Variants in SMAP2 observed in about 807,000 individuals in gnomAD.
SMAP2 encodes the protein small ArfGAP2.
In SMAP2, 25 loss-of-function variants were observed where a neutral mutation model predicts 56.4. The ratio of observed to expected loss-of-function variants is 0.44; its 90% confidence interval spans 0.32 to 0.62. The LOEUF is 0.62. SMAP2 is among the 20% of genes least tolerant of loss of function. SMAP2 has a pLI of 0.04. For synonymous variants in SMAP2, 157 were observed against 181.7 expected (o/e 0.86, Z 1.09); for missense variants, 388 against 545.6 (o/e 0.71, Z 2.88).
chr1:40,374,243 G>A lies in SMAP2; in HGVS notation c.103+20G>A, dbSNP rs775309591. ...CTAAAGGTAGCGCATCCCACCTGGCGGGCCAGGGGTCCAGCCGCGCCGGGG... is the reference window on the plus strand; with the variant it reads ...CTAAAGGTAGCGCATCCCACCTGGCAGGCCAGGGGTCCAGCCGCGCCGGGG... On this transcript the variant is annotated intron_variant, in intron 1 of 9. Transcript: ENST00000372718. The surrounding 1 kb of genome is among the most constrained non-coding windows in gnomAD (Gnocchi z 5.9). 1.3e-6 allele frequency: 2 copies of A among 1,591,380 alleles called. No homozygotes were observed. Among genetic ancestry groups the A allele is most frequent in the Admixed American group, 1.7e-5 (1 of 57,152 alleles).
At chr1:40,401,187 C>T (rs1356773349) in intron 1 of SMAP2, among the ~76,000 whole-genome samples, 6 of 152,114 alleles carry the variant, frequency 3.9e-5, no homozygotes, top group African/African-American at 7.2e-5. Context: ...GGCGTGAACT[C>T]GGGAGGCGGA....
Position 40,374,049 on chromosome 1 carries a change from C to T in SMAP2, c.-72C>T, listed in dbSNP as rs2272993. ...TGGGCGGGGGACCGGGAGTCCTCAACCCCGGACTGAGGCAGGGGTCTCTGG... is the reference window on the plus strand; with the variant it reads ...TGGGCGGGGGACCGGGAGTCCTCAATCCCGGACTGAGGCAGGGGTCTCTGG... On this transcript the variant is annotated 5_prime_UTR_variant, in exon 1 of 10. Coordinates refer to ENST00000372718, the MANE Select transcript of SMAP2 (RefSeq NM_022733.3). The surrounding 1 kb of genome is among the most constrained non-coding windows in gnomAD (Gnocchi z 5.9). 1 of 1,250,252 alleles carries T rather than the reference C, an allele frequency of 8.0e-7. No individual in the cohort carries two copies. The highest frequency in any genetic ancestry group is 1.1e-6 in the Non-Finnish European group (1 of 869,898). The allele number at this position is 1,250,252 out of a possible 1,614,324, so 77.4% of individuals were successfully genotyped here.
chr1:40,410,750 C>CA (rs1476668351), intron 4 of SMAP2, among the ~76,000 whole-genome samples: 1 of 152,110 alleles, frequency 6.6e-6, no homozygotes, highest in East Asian at 1.9e-4. Context: ...CACAGGGGGA[C>CA]AGACAGCATG....
rs1389848293 is a variant in SMAP2, at chr1:40,386,288, C to G, written c.103+12065C>G. ...GAAATCATTTTTACTGAAAGATTAG[C>G]TGTTTGGAACAGGGATTGACTTTGT... is the stretch of plus-strand genomic sequence containing the variant. On this transcript the variant is annotated intron_variant, in intron 1 of 9. Transcript: ENST00000372718. This position sits in a 1 kb window ranked among gnomAD's most constrained non-coding sequence, Gnocchi z 4.1. Among the ~76,000 whole-genome samples the G allele has an allele frequency of 1.3e-5, 2 of 152,182 alleles. No homozygotes were observed. Among genetic ancestry groups the G allele is most frequent in the African/African-American group, 4.8e-5 (2 of 41,448 alleles).
intron 4 of SMAP2, among the ~76,000 whole-genome samples, chr1:40,411,142 C>CAT (rs1462226861): frequency 5.9e-5 from 9 of 152,154 alleles, no homozygotes; most frequent in African/African-American, 2.2e-4. Context: ...AAGTGTAATA[C>CAT]ATATAGTTAG....
chr1:40,419,330 G>GA (rs1645020420), intron 9 of SMAP2, among the ~76,000 whole-genome samples: 1 of 148,716 alleles, frequency 6.7e-6, no homozygotes. Context: ...ACCCAGGCTG[G>GA]AATGCAGTGG....
At chr1:40,348,962 G>T (rs1185047999) in intron 1 of SMAP2, among the ~76,000 whole-genome samples, 1 of 152,026 alleles carries the variant, frequency 6.6e-6, no homozygotes, top group Non-Finnish European at 1.5e-5. Flanking sequence ...TAGAGGCAGG[G>T]CTTCACCATG....
chr1:40,411,491 A>G (rs887121040), intron 4 of SMAP2, among the ~76,000 whole-genome samples: 3 of 152,190 alleles, frequency 2.0e-5, no homozygotes, highest in African/African-American at 7.2e-5. Flanking sequence ...CAGGGTATTC[A>G]TGATTTCATT....
chr1:40,360,642 A>G (rs1486864507), intron 1 of SMAP2, among the ~76,000 whole-genome samples: 1 of 152,150 alleles, frequency 6.6e-6, no homozygotes, highest in Non-Finnish European at 1.5e-5. Flanking sequence ...CTGCTCCCCC[A>G]TTCCATAGCA....
rs1240740681 is a variant in SMAP2, at chr1:40,401,518, C to T, written c.104-5218C>T. On this transcript the variant is annotated intron_variant, in intron 1 of 9. Transcript: ENST00000372718. The stretch of plus-strand genomic sequence containing the variant: ...CCTCAATATTTATTTGTTTGGAACT[C>T]CATAGATTAGAACTCAATGATATAA... Among the ~76,000 whole-genome samples the T allele has an allele frequency of 2.6e-5, 4 of 152,058 alleles. No homozygotes were observed. In the East Asian group the frequency reaches 7.7e-4, roughly 29 times the overall value.
chr1:40,347,240 G>GTGTT (rs58284805), intron 1 of SMAP2, among the ~76,000 whole-genome samples: 4,313 of 87,774 alleles, frequency 0.049, 385 homozygotes, highest in African/African-American at 0.17. Flanking sequence ...GTGTGTGTGT[G>GTGTT]TTTTGTTTTT....
intron 1 of SMAP2, among the ~76,000 whole-genome samples, chr1:40,351,796 T>C (rs2124158880): frequency 6.6e-6 from 1 of 151,872 alleles, no homozygotes; most frequent in South Asian, 2.1e-4. Context: ...GCCACCGCGC[T>C]CAGCCTATTT....
At chr1:40,389,395 T>A (rs903609076) in intron 1 of SMAP2, among the ~76,000 whole-genome samples, 1 of 152,218 alleles carries the variant, frequency 6.6e-6, no homozygotes, top group Non-Finnish European at 1.5e-5. Flanking sequence ...ATGCACGGTG[T>A]CTGGCACATA....
intron 1 of SMAP2, among the ~76,000 whole-genome samples, chr1:40,405,069 G>C (rs770072567): frequency 6.6e-6 from 1 of 151,700 alleles, no homozygotes. Flanking sequence ...CAGTATTTGC[G>C]ATAGTAAATA....
intron 1 of SMAP2, chr1:40,393,605 G>A: frequency 2.5e-6 from 3 of 1,177,344 alleles, no homozygotes; most frequent in Non-Finnish European, 3.5e-6. Context: ...GAGTACAGTG[G>A]CTCAATCTTG....
At chr1:40,345,883 G>T (rs542476) in intron 1 of SMAP2, among the ~76,000 whole-genome samples, 819 of 58,622 alleles carry the variant, frequency 0.014, 7 homozygotes, top group African/African-American at 0.071. Context: ...GTATTATATT[G>T]TATTGTATTA....
At chr1:40,377,834 T>C (rs2124214628) in intron 1 of SMAP2, among the ~76,000 whole-genome samples, 1 of 152,328 alleles carries the variant, frequency 6.6e-6, no homozygotes, top group South Asian at 2.1e-4. Flanking sequence ...CATGAAAGGA[T>C]CTACAGTTGT....
chr1:40,354,767 ATTTT>A (rs774191085), intron 1 of SMAP2, among the ~76,000 whole-genome samples: 24 of 67,328 alleles, frequency 3.6e-4, no homozygotes, highest in Admixed American at 7.7e-4. Flanking sequence ...AAAACATTGA[ATTTT>A]TTTTTTTTTT....
chr1:40,362,906 C>T (rs1644465210), intron 2 of SMAP2, among the ~76,000 whole-genome samples: 1 of 152,120 alleles, frequency 6.6e-6, no homozygotes, highest in African/African-American at 2.4e-5. Flanking sequence ...AGCAGCAGGG[C>T]AGAAGCTTCA....
Sources: allele counts gnomAD v4.1 joint callset (sites outside exome capture counted in the v4.1 genomes callset), GRCh38; gene constraint gnomAD v4.1.1; non-coding constraint Gnocchi (gnomAD v3.1); transcripts MANE v1.5; gene names NCBI Gene and HGNC (gene_info 2026-07-23, HGNC 2026-07-21).